ERICH3: variants seen among roughly 807,000 people sequenced by gnomAD.
ERICH3 encodes the protein glutamate rich 3.
ERICH3 carries 126 observed loss-of-function variants against 131.1 expected under a neutral mutation model. That is an observed-to-expected ratio of 0.96 (90% CI 0.83 to 1.11). The LOEUF is 1.11. Ranked by LOEUF, ERICH3 falls within the 50% of genes most tolerant of loss-of-function variation. ERICH3 has a pLI of 0.00. For synonymous variants in ERICH3, 695 were observed against 644.6 expected (o/e 1.08, Z -1.18); for missense variants, 2,050 against 1,810.7 (o/e 1.13, Z -2.40).
chr1:74,605,245 G>A (rs186042300), intron 10 of ERICH3, among the ~76,000 whole-genome samples: 1 of 151,794 alleles, frequency 6.6e-6, no homozygotes, highest in Non-Finnish European at 1.5e-5. Context: ...AGAGAATTAG[G>A]GCCTTGCTCT....
At position 74,647,309 on chromosome 1, in the gene ERICH3, A is replaced by G. The variant is rs898699054; in HGVS notation, c.118-517T>C. Reference sequence around the variant, plus strand: ...GTGATCACAGGACTGATGATCTTGTAGGAAGTACTTTGAAGGGCAAACATG... The same window carrying G: ...GTGATCACAGGACTGATGATCTTGTGGGAAGTACTTTGAAGGGCAAACATG... On this transcript the variant is annotated intron_variant, in intron 2 of 14. Transcript: ENST00000326665. Among the ~76,000 whole-genome samples the G allele has an allele frequency of 5.3e-4, 80 of 152,244 alleles. 1 individual carries two copies. Among genetic ancestry groups the G allele is most frequent in the African/African-American group, 1.8e-3 (73 of 41,556 alleles).
intron 7 of ERICH3, among the ~76,000 whole-genome samples, chr1:74,628,507 T>A (rs967642917): frequency 6.6e-6 from 1 of 152,160 alleles, no homozygotes; most frequent in African/African-American, 2.4e-5. Flanking sequence ...ATACAGTATA[T>A]AATACAAATA....
chr1:74,626,335 T>C (rs1426718762), intron 7 of ERICH3, among the ~76,000 whole-genome samples: 2 of 152,142 alleles, frequency 1.3e-5, no homozygotes, highest in Admixed American at 6.5e-5. Context: ...GTTGTAACCA[T>C]GTTGAATTTG....
intron 1 of ERICH3, among the ~76,000 whole-genome samples, chr1:74,662,161 C>T (rs1192672152): frequency 6.6e-6 from 1 of 152,060 alleles, no homozygotes; most frequent in African/African-American, 2.4e-5. Context: ...TGCATGTGGC[C>T]CTGAAACATC....
At chr1:74,629,352 C>T (rs1409314241) in intron 7 of ERICH3, among the ~76,000 whole-genome samples, 1 of 150,806 alleles carries the variant, frequency 6.6e-6, no homozygotes, top group African/African-American at 2.4e-5. Flanking sequence ...ATAGAGATTC[C>T]AAAAAGAGAG....
At chr1:74,581,687 C>T (rs144750803) in intron 12 of ERICH3, among the ~76,000 whole-genome samples, 15 of 152,182 alleles carry the variant, frequency 9.9e-5, no homozygotes, top group African/African-American at 3.6e-4. Flanking sequence ...ATAAACCAAC[C>T]TTCTAAATTA....
chr1:74,668,566 T>C (rs1646712665), intron 1 of ERICH3, among the ~76,000 whole-genome samples: 1 of 152,216 alleles, frequency 6.6e-6, no homozygotes, highest in African/African-American at 2.4e-5. Flanking sequence ...TATGTGATTT[T>C]TGGCTTATAA....
Position 74,620,807 on chromosome 1 carries a change from A to C in ERICH3, c.927T>G (p.Asp309Glu). 1 of 1,613,574 alleles carries C rather than the reference A, an allele frequency of 6.2e-7. No individual in the cohort carries two copies. The highest frequency in any genetic ancestry group is 8.5e-7 in the Non-Finnish European group (1 of 1,179,726). Residue 309 changes from aspartate (D) to glutamate (E), a missense_variant, in exon 8 of 15, where the codon GAT (aspartate) becomes GAG (glutamate). Transcript: ENST00000326665. Reference protein sequence around the residue: ...HLSSDNPDFRDEIKVYQQHCG... With the variant: ...HLSSDNPDFREEIKVYQQHCG... ...AGTGCTGCTGATAAACTTTAATTTC[A>C]TCCCGGAAGTCAGGATTATCAGAAG...
rs61731320 is a variant in ERICH3, at chr1:74,589,788, C to T, written c.2019G>A (p.Thr673=). The change falls in exon 12 of 15, where the codon ACG becomes ACA. Residue 673 remains threonine, a synonymous_variant. Coordinates refer to ENST00000326665, the MANE Select transcript of ERICH3 (RefSeq NM_001002912.5). ...CTGCAATCTCTTGGGTTCCTTTCTCCGTTCCTTCTTTAAGAACATTCTCAA... is the reference window on the plus strand; with the variant it reads ...CTGCAATCTCTTGGGTTCCTTTCTCTGTTCCTTCTTTAAGAACATTCTCAA... ...ESFENVLKEG[T]EKGTQEIAEG... The T allele has an allele frequency of 1.5e-3, 2,461 of 1,614,090 alleles. 42 individuals carry two copies. The African/African-American group carries it at 0.028, about 18-fold the overall frequency.
chr1:74,666,132 T>C (rs747418847), intron 1 of ERICH3, among the ~76,000 whole-genome samples: 22 of 152,138 alleles, frequency 1.4e-4, no homozygotes, highest in Non-Finnish European at 2.1e-4. Flanking sequence ...AAGAGGATAA[T>C]GAGGATCTCT....
intron 4 of ERICH3, among the ~76,000 whole-genome samples, chr1:74,642,758 A>G (rs1438342559): frequency 6.6e-6 from 1 of 152,132 alleles, no homozygotes; most frequent in African/African-American, 2.4e-5. Flanking sequence ...ACAAGAATAT[A>G]TAAAAGCAAA....
In ERICH3 at chr1:74,571,696, C is replaced by T. The variant is rs974402856; in HGVS notation, c.4014G>A (p.Val1338=). 16 of 1,614,094 alleles carry T rather than the reference C, an allele frequency of 9.9e-6. No individual in the cohort carries two copies. The highest frequency in any genetic ancestry group is 3.3e-5 in the Admixed American group (2 of 60,022). The change falls in exon 14 of 15, where the codon GTG becomes GTA. Residue 1338 remains valine, a synonymous_variant. Coordinates refer to ENST00000326665, the MANE Select transcript of ERICH3 (RefSeq NM_001002912.5). ...KNEGMGGGRV[V]AVEVLHGGGE... is the part of the protein sequence containing the mutation. ...CACCTCCGTGTAGAACTTCCACAGCCACAACCCTTCCTCCTCCCATGCCCT... is the reference window on the plus strand; with the variant it reads ...CACCTCCGTGTAGAACTTCCACAGCTACAACCCTTCCTCCTCCCATGCCCT...
chr1:74,609,803 T>C (rs545099062), intron 9 of ERICH3, among the ~76,000 whole-genome samples: 4 of 152,252 alleles, frequency 2.6e-5, no homozygotes, highest in South Asian at 4.1e-4. Flanking sequence ...ATAGGCCTTA[T>C]TCTTTAATAT....
intron 7 of ERICH3, chr1:74,624,577 G>A (rs1649351123): frequency 6.6e-6 from 1 of 151,922 alleles, no homozygotes; most frequent in Non-Finnish European, 1.5e-5. Context: ...TATTCCTAAT[G>A]TGCCCAGAAA....
intron 4 of ERICH3, among the ~76,000 whole-genome samples, chr1:74,642,331 C>T (rs636901): frequency 0.019 from 2,848 of 152,114 alleles, 76 homozygotes; most frequent in African/African-American, 0.061. Context: ...GTTTGTGAAA[C>T]GTATCTTAGG....
Position 74,572,287 on chromosome 1 carries a change from T to C in ERICH3, c.3423A>G (p.Pro1141=), listed in dbSNP as rs1450248910. ...TTAGTGAATCTTCTCCTAGAAGCCC[T>C]GGATTGTCAGACAACTCAGAAGCCT... ...PVEASELSDN[P]GLLGEDSLKE... The change falls in exon 14 of 15, where the codon CCA becomes CCG. Residue 1141 remains proline, a synonymous_variant. Transcript: ENST00000326665. The C allele has an allele frequency of 6.2e-7, 1 of 1,614,096 alleles. No homozygotes were observed. The highest frequency in any genetic ancestry group is 2.2e-5 in the East Asian group (1 of 44,870).
intron 1 of ERICH3, 59 bp from the exon 2 acceptor site, chr1:74,649,374 A>C: frequency 1.5e-6 from 2 of 1,314,622 alleles, no homozygotes; most frequent in Non-Finnish European, 2.2e-6. Flanking sequence ...TAACCAAGGC[A>C]ATTCTTTACT....
chr1:74,604,843 T>G (rs1462139585), intron 10 of ERICH3, among the ~76,000 whole-genome samples: 3 of 151,950 alleles, frequency 2.0e-5, no homozygotes, highest in Admixed American at 1.3e-4. Flanking sequence ...GGCCCTAGGA[T>G]TTTTTGAATG....
At chr1:74,653,224 T>C (rs1309376861) in intron 1 of ERICH3, among the ~76,000 whole-genome samples, 1 of 152,172 alleles carries the variant, frequency 6.6e-6, no homozygotes, top group African/African-American at 2.4e-5. Context: ...TATAATAGTT[T>C]TTTTAAATCA....
Sources: gnomAD v4.1 joint callset for allele counts (sites outside exome capture counted in the v4.1 genomes callset) on GRCh38, gnomAD v4.1.1 for gene constraint, MANE v1.5 for transcripts, NCBI Gene and HGNC (gene_info 2026-07-23, HGNC 2026-07-21) for gene names.